GRIN2B: variants seen among roughly 807,000 people sequenced by gnomAD.
GRIN2B encodes the protein glutamate ionotropic receptor NMDA type subunit 2B, also known as glutamate receptor ionotropic, NMDA 2B.
GRIN2B carries 5 observed loss-of-function variants against 114.5 expected under a neutral mutation model. The observed-to-expected ratio is 0.04, with a 90% CI of 0.02 to 0.09. The LOEUF is 0.09. GRIN2B is among the 10% of genes least tolerant of loss of function. The pLI, the probability that GRIN2B is intolerant of heterozygous loss-of-function variation, is 1.00. For synonymous variants in GRIN2B, 787 were observed against 745.1 expected (o/e 1.06, Z -0.92); for missense variants, 1,108 against 1,943.5 (o/e 0.57, Z 8.08).
chr12:13,672,698 T>C (rs1950034212), intron 5 of GRIN2B, among the ~76,000 whole-genome samples: 1 of 152,196 alleles, frequency 6.6e-6, no homozygotes, highest in Non-Finnish European at 1.5e-5. Context: ...CCTGGGTTAA[T>C]TGAGTCGATA....
intron 5 of GRIN2B, among the ~76,000 whole-genome samples, chr12:13,650,765 T>G (rs988133660): frequency 6.6e-6 from 1 of 152,130 alleles, no homozygotes; most frequent in Non-Finnish European, 1.5e-5. Context: ...ACAAATTGTA[T>G]GATGTATAAT....
At chr12:13,854,963 C>T (rs1865632680) in intron 3 of GRIN2B, among the ~76,000 whole-genome samples, 1 of 149,822 alleles carries the variant, frequency 6.7e-6, no homozygotes, top group South Asian at 2.1e-4. Flanking sequence ...ATAATCCCAG[C>T]ACTTTGGAAG....
At chr12:13,678,167 C>T (rs1950093308) in intron 4 of GRIN2B, among the ~76,000 whole-genome samples, 1 of 152,064 alleles carries the variant, frequency 6.6e-6, no homozygotes, top group African/African-American at 2.4e-5. Context: ...GGAATCAGAG[C>T]CCTTTGTTTT....
intron 2 of GRIN2B, among the ~76,000 whole-genome samples, chr12:13,928,171 C>T (rs889804304): frequency 2.0e-5 from 3 of 150,944 alleles, no homozygotes; most frequent in South Asian, 2.1e-4. Context: ...ATTTGCCAGG[C>T]GTGGTGGCAC....
chr12:13,805,809 C>G (rs376679675), intron 3 of GRIN2B, among the ~76,000 whole-genome samples: 2 of 152,036 alleles, frequency 1.3e-5, no homozygotes, highest in Non-Finnish European at 2.9e-5. Flanking sequence ...CTATAGTCAC[C>G]ATCTTGTACA....
At chr12:13,661,420 A>G (rs1949922852) in intron 5 of GRIN2B, among the ~76,000 whole-genome samples, 1 of 152,228 alleles carries the variant, frequency 6.6e-6, no homozygotes, top group Non-Finnish European at 1.5e-5. Context: ...GATTCCGTGC[A>G]ACACAGAACT....
chr12:13,586,979 C>T (rs1406666584), intron 10 of GRIN2B, among the ~76,000 whole-genome samples: 3 of 152,080 alleles, frequency 2.0e-5, no homozygotes, highest in Non-Finnish European at 4.4e-5. Context: ...CCTATATGTA[C>T]GAGACCCTAT....
At chr12:13,768,222 A>C (rs1471579755) in intron 3 of GRIN2B, among the ~76,000 whole-genome samples, 1 of 152,114 alleles carries the variant, frequency 6.6e-6, no homozygotes, top group Non-Finnish European at 1.5e-5. Context: ...TTTTCTTTGC[A>C]CATTAAGTAT....
chr12:13,690,698 T>A (rs1950209650), intron 4 of GRIN2B, among the ~76,000 whole-genome samples: 1 of 152,110 alleles, frequency 6.6e-6, no homozygotes, highest in Non-Finnish European at 1.5e-5. Context: ...GGAGTGAACA[T>A]AATTAATGAT....
At position 13,753,268 on chromosome 12, in the gene GRIN2B, A is replaced by C; in HGVS notation, c.1010+49T>G. ...CTGAACTTCCAACCCCAGTCTTTGA[A>C]GCTCCCCTCTCATCTCCACCATCAA... On this transcript the variant is annotated intron_variant, in intron 4 of 13. Transcript: ENST00000609686. This position sits in a 1 kb window ranked among gnomAD's most constrained non-coding sequence, Gnocchi z 6.2. 1 of 1,088,424 alleles carries C rather than the reference A, an allele frequency of 9.2e-7. No individual in the cohort carries two copies. The allele number at this position is 1,088,424 out of a possible 1,614,324, so 67.4% of individuals were successfully genotyped here.
chr12:13,971,242 A>G (rs548665730), intron 2 of GRIN2B, among the ~76,000 whole-genome samples: 15 of 152,278 alleles, frequency 9.9e-5, no homozygotes, highest in African/African-American at 3.4e-4. Flanking sequence ...TTTATCTTCA[A>G]TGGCTATTAG....
chr12:13,626,311 T>G (rs1311909548), intron 5 of GRIN2B, among the ~76,000 whole-genome samples: 1 of 152,188 alleles, frequency 6.6e-6, no homozygotes, highest in African/African-American at 2.4e-5. Context: ...AGAACACAGC[T>G]CAGCAGCGAT....
intron 2 of GRIN2B, among the ~76,000 whole-genome samples, chr12:13,882,004 A>G (rs944545590): frequency 2.6e-5 from 4 of 152,108 alleles, no homozygotes; most frequent in African/African-American, 7.2e-5. Context: ...TCATTCTTCT[A>G]TCATCCTGTG....
At position 13,562,719 on chromosome 12, in the gene GRIN2B, A is replaced by C; in HGVS notation, c.*64T>G. The C allele has an allele frequency of 7.8e-7, 1 of 1,277,406 alleles. No individual in the cohort carries two copies. Among genetic ancestry groups the C allele is most frequent in the Non-Finnish European group, 1.1e-6 (1 of 873,100 alleles). 79.1% of individuals were successfully genotyped at this position (1,277,406 alleles called of 1,614,324 possible). A position where few individuals can be genotyped will look rare whatever the true frequency, so the allele number is the denominator to read the frequency against. On this transcript the variant is annotated 3_prime_UTR_variant, in exon 14 of 14. Coordinates refer to ENST00000609686, the MANE Select transcript of GRIN2B (RefSeq NM_000834.5). ...GTTCACCCCCGTCACCCTCCGTGACATGCGCATCACGCGACCCACAGCCTT... is the reference window on the plus strand; with the variant it reads ...GTTCACCCCCGTCACCCTCCGTGACCTGCGCATCACGCGACCCACAGCCTT...
intron 2 of GRIN2B, among the ~76,000 whole-genome samples, chr12:13,868,409 G>A (rs777620848): frequency 6.6e-6 from 1 of 151,966 alleles, no homozygotes; most frequent in Admixed American, 6.6e-5. Flanking sequence ...CTGATATTCA[G>A]AGGAAGACAG....
intron 3 of GRIN2B, among the ~76,000 whole-genome samples, chr12:13,783,754 T>C (rs1459893118): frequency 6.6e-6 from 1 of 152,056 alleles, no homozygotes; most frequent in African/African-American, 2.4e-5. Flanking sequence ...ATGAAATTCT[T>C]TTAAATAGAC....
In GRIN2B at chr12:13,542,715, T is replaced by G. The variant is rs1948294472; in HGVS notation, c.*20068A>C. The G allele has an allele frequency of 6.6e-6, 1 of 152,276 alleles. No individual in the cohort carries two copies. The highest frequency in any genetic ancestry group is 1.5e-5 in the Non-Finnish European group (1 of 68,070). The allele number at this position is 152,276 out of a possible 1,614,324, so 9.4% of individuals were successfully genotyped here. On this transcript the variant is annotated 3_prime_UTR_variant, in exon 14 of 14. Transcript: ENST00000609686. ...CAGATACCCATGCACATCTCCCATC[T>G]CAGCTCATTTCCCTTCCTTTACCAA... is the stretch of plus-strand genomic sequence containing the variant.
intron 13 of GRIN2B, among the ~76,000 whole-genome samples, chr12:13,566,546 G>T (rs571140525): frequency 6.6e-6 from 1 of 152,198 alleles, no homozygotes; most frequent in African/African-American, 2.4e-5. Flanking sequence ...TAAAGGTTCT[G>T]TTAAGCTCTT....
intron 3 of GRIN2B, among the ~76,000 whole-genome samples, chr12:13,838,383 A>T (rs73294812): frequency 2.0e-4 from 30 of 152,330 alleles, no homozygotes; most frequent in African/African-American, 7.0e-4. Flanking sequence ...ACAAAGGTCC[A>T]TATCCGAAGC....
Sources: allele counts gnomAD v4.1 joint callset (sites outside exome capture counted in the v4.1 genomes callset), GRCh38; gene constraint gnomAD v4.1.1; non-coding constraint Gnocchi (gnomAD v3.1); transcripts MANE v1.5; gene names NCBI Gene and HGNC (gene_info 2026-07-23, HGNC 2026-07-21).